MROH1: variants seen among roughly 807,000 people sequenced by gnomAD.
The protein encoded by MROH1 is maestro heat-like repeat-containing protein family member 1.
Under a neutral mutation model 116.5 loss-of-function variants are expected in MROH1, and 117 were observed. That is an observed-to-expected ratio of 1.00 (90% confidence interval 0.86 to 1.17). The LOEUF is 1.17. Among genes scored for constraint, MROH1 ranks in the 50% most tolerant of loss-of-function variants. MROH1 has a pLI of 0.00. For synonymous variants in MROH1, 921 were observed against 583.9 expected, an observed-to-expected ratio of 1.58 and a Z score of -8.32; for missense variants, 1,873 against 1,338.5, an observed-to-expected ratio of 1.40 and a Z score of -6.23.
chr8:144,191,308 G>A (rs961786837), intron 8 of MROH1, among the ~76,000 whole-genome samples: 6 of 152,124 alleles, frequency 3.9e-5, no homozygotes, highest in East Asian at 1.9e-4. Context: ...GACCTCAGGC[G>A]ATCCACCCGC....
intron 4 of MROH1, among the ~76,000 whole-genome samples, chr8:144,171,759 C>T (rs1370807311): frequency 6.6e-6 from 1 of 152,182 alleles, no homozygotes; most frequent in Non-Finnish European, 1.5e-5. Flanking sequence ...TAGAGAGACA[C>T]CTAAACAACT....
chr8:144,175,607 G>T, intron 4 of MROH1: 1 of 897,458 alleles, frequency 1.1e-6, no homozygotes, highest in Non-Finnish European at 1.3e-6. Flanking sequence ...TCCTACCTGG[G>T]AAGAGTGTCT....
At position 144,241,127 on chromosome 8, in the gene MROH1, C is replaced by A; in HGVS notation, c.2055+16C>A. On this transcript the variant is annotated intron_variant, in intron 21 of 43. Coordinates refer to ENST00000326134, the MANE Select transcript of MROH1 (RefSeq NM_032450.3). ...AGAACGCGAGGTGGGGCCGCTTTCCCTGCAGAAGCCCCAGACACCCCAGGG... is the reference window on the plus strand; with the variant it reads ...AGAACGCGAGGTGGGGCCGCTTTCCATGCAGAAGCCCCAGACACCCCAGGG... 1 of 741,670 alleles carries A rather than the reference C, an allele frequency of 1.3e-6. No homozygotes were observed. The highest frequency in any genetic ancestry group is 1.4e-5 in the South Asian group (1 of 69,382). 45.9% of individuals were successfully genotyped at this position (741,670 alleles called of 1,614,324 possible).
intron 20 of MROH1, 43 bp downstream of exon 20, chr8:144,240,720 G>A: frequency 8.5e-6 from 6 of 709,642 alleles, no homozygotes; most frequent in South Asian, 4.4e-5. Flanking sequence ...CTTGGGCTCC[G>A]AGTTTCTGGG....
chr8:144,244,114 CAGAGT>C (rs1247678713), intron 26 of MROH1, 103 bp from the exon 27 acceptor site: 5 of 699,148 alleles, frequency 7.2e-6, no homozygotes, highest in Non-Finnish European at 1.3e-5. Flanking sequence ...TGGTCTGGAG[CAGAGT>C]AAACATGGCA....
At chr8:144,198,060 AAAAAG>A (rs1290308579) in intron 10 of MROH1, among the ~76,000 whole-genome samples, 2,272 of 151,454 alleles carry the variant, frequency 0.015, 47 homozygotes, top group African/African-American at 0.05. Context: ...AAAAAAAAAA[AAAAAG>A]AAAGAAAAAT....
intron 33 of MROH1, 56 bp from the exon 34 acceptor site, chr8:144,254,757 G>A (rs1236801403): frequency 1.4e-6 from 1 of 728,804 alleles, no homozygotes; most frequent in African/African-American, 1.7e-5. Flanking sequence ...CAGGTGGCGG[G>A]GGGCAGGCGC....
intron 12 of MROH1, among the ~76,000 whole-genome samples, chr8:144,214,708 C>T (rs564426288): frequency 4.6e-5 from 7 of 152,298 alleles, no homozygotes; most frequent in South Asian, 2.1e-4. Flanking sequence ...TTCTGGGAGG[C>T]AACTGCTCAT....
chr8:144,170,524 G>A (rs1051747202), intron 4 of MROH1, among the ~76,000 whole-genome samples: 5 of 152,180 alleles, frequency 3.3e-5, no homozygotes, highest in African/African-American at 9.7e-5. Flanking sequence ...GGATCTCACC[G>A]CATTTGCACT....
chr8:144,149,117 C>T (rs1008134771), intron 1 of MROH1, among the ~76,000 whole-genome samples: 22 of 151,986 alleles, frequency 1.4e-4, no homozygotes, highest in Non-Finnish European at 4.4e-5. Context: ...CCGAAGACCT[C>T]GGGTCCCGGC....
At chr8:144,203,940 G>T (rs1367120070) in intron 12 of MROH1, among the ~76,000 whole-genome samples, 1 of 152,096 alleles carries the variant, frequency 6.6e-6, no homozygotes, top group Admixed American at 6.5e-5. Context: ...CGTTCACTTT[G>T]TTTTCCCCAT....
intron 35 of MROH1, among the ~76,000 whole-genome samples, chr8:144,256,042 CTT>C (rs1483630527): frequency 1.5e-4 from 23 of 152,298 alleles, no homozygotes; most frequent in African/African-American, 4.8e-4. Flanking sequence ...TGTGTGGAGT[CTT>C]TGGGGTATAG....
chr8:144,156,266 T>G (rs1290026421), intron 1 of MROH1, among the ~76,000 whole-genome samples: 2 of 148,364 alleles, frequency 1.3e-5, no homozygotes, highest in African/African-American at 2.5e-5. Flanking sequence ...AAAAAAAAAG[T>G]TGAGCAGGTT....
intron 12 of MROH1, chr8:144,200,847 C>G: frequency 2.8e-6 from 1 of 353,302 alleles, no homozygotes; most frequent in South Asian, 3.5e-5. Flanking sequence ...ACAGCCATCC[C>G]TGAGCCCACT....
At chr8:144,168,992 A>ACAGGGATGCCAAAT (rs1426433164) in intron 4 of MROH1, among the ~76,000 whole-genome samples, 2 of 152,220 alleles carry the variant, frequency 1.3e-5, no homozygotes, top group East Asian at 3.9e-4. Context: ...CTTCAGCCTC[A>ACAGGGATGCCAAAT]CAGGGATGCC....
chr8:144,158,828 T>C lies in MROH1; in HGVS notation c.-176-2142T>C, dbSNP rs570666290. ...GGTGTGATCTCTGCTCACTGCAGCATTGACCTCCTGGGCTCAAGTGATCCT... is the reference window on the plus strand; with the variant it reads ...GGTGTGATCTCTGCTCACTGCAGCACTGACCTCCTGGGCTCAAGTGATCCT... On this transcript the variant is annotated intron_variant, in intron 1 of 43. Transcript: ENST00000326134. Among the ~76,000 whole-genome samples the C allele has an allele frequency of 4.0e-3, 612 of 152,180 alleles. 1 individual carries two copies. Among genetic ancestry groups the C allele is most frequent in the African/African-American group, 0.014 (582 of 41,524 alleles).
intron 8 of MROH1, 138 bp from the exon 9 acceptor site, chr8:144,191,577 G>A: frequency 4.2e-6 from 5 of 1,181,458 alleles, no homozygotes; most frequent in Non-Finnish European, 5.9e-6. Flanking sequence ...CTGGGTGCTA[G>A]GCTCACGTCC....
At chr8:144,213,078 C>T (rs768407136) in intron 12 of MROH1, 28 of 778,762 alleles carry the variant, frequency 3.6e-5, no homozygotes, top group Non-Finnish European at 6.0e-5. Context: ...CGTGCTGCTC[C>T]GCAGCCTGCT....
intron 3 of MROH1, among the ~76,000 whole-genome samples, chr8:144,166,233 G>A (rs1406680816): frequency 6.6e-6 from 1 of 152,204 alleles, no homozygotes; most frequent in Non-Finnish European, 1.5e-5. Context: ...CAGCCCAAAG[G>A]CCCCACTCTT....
Sources: allele counts gnomAD v4.1 joint callset (sites outside exome capture counted in the v4.1 genomes callset), GRCh38; gene constraint gnomAD v4.1.1; transcripts MANE v1.5; gene names NCBI Gene and HGNC (gene_info 2026-07-23, HGNC 2026-07-21).